Variants in NCK2 observed in about 807,000 individuals in gnomAD.
NCK2 encodes the protein cytoplasmic protein NCK2.
A neutral mutation model predicts 33.9 loss-of-function variants in NCK2; 16 were observed. The observed-to-expected ratio is 0.47, with a 90% confidence interval of 0.32 to 0.72. The LOEUF (loss-of-function observed/expected upper bound fraction) is 0.72, where lower values mean the gene tolerates loss of function less well. Among genes scored for constraint, NCK2 ranks in the 30% least tolerant of loss-of-function variants. NCK2 has a pLI of 0.03. For synonymous variants in NCK2, 273 were observed against 239.9 expected (o/e 1.14, Z -1.27); for missense variants, 418 against 537.3 (o/e 0.78, Z 2.19).
At chr2:105,790,468 C>T (rs970454877) in intron 1 of NCK2, among the ~76,000 whole-genome samples, 3 of 152,162 alleles carry the variant, frequency 2.0e-5, no homozygotes, top group Non-Finnish European at 4.4e-5. Context: ...CTGCAGGCAG[C>T]CTGGGAGCCC....
intron 3 of NCK2, among the ~76,000 whole-genome samples, chr2:105,861,386 A>G (rs1677525336): frequency 6.6e-6 from 1 of 151,996 alleles, no homozygotes; most frequent in Non-Finnish European, 1.5e-5. Context: ...GGTTCTGACC[A>G]CCTCTCTATG....
chr2:105,863,570 C>T (rs1677631362), intron 3 of NCK2, among the ~76,000 whole-genome samples: 1 of 152,098 alleles, frequency 6.6e-6, no homozygotes, highest in Non-Finnish European at 1.5e-5. Context: ...AAGGATAAGG[C>T]TTAGTCCCTG....
intron 1 of NCK2, among the ~76,000 whole-genome samples, chr2:105,751,233 G>A (rs1053730996): frequency 2.0e-5 from 3 of 152,096 alleles, no homozygotes; most frequent in Non-Finnish European, 4.4e-5. Flanking sequence ...CGACTCACTC[G>A]GTTATCCTTG....
chr2:105,881,103 A>G (rs1242851934), intron 3 of NCK2, among the ~76,000 whole-genome samples: 1 of 152,084 alleles, frequency 6.6e-6, no homozygotes, highest in African/African-American at 2.4e-5. Context: ...GTTTTTATGG[A>G]TAAAATAGAT....
At chr2:105,746,009 CGGTGGATGCTAGGGGTCATTGGCT>C (rs1689274423) in intron 1 of NCK2, 1 of 149,886 alleles carries the variant, frequency 6.7e-6, no homozygotes, top group Admixed American at 6.6e-5. Context: ...TGAAGGTCTG[CGGTGGATGCTAGGGGTCATTGGCT>C]GGTGGACCCC....
chr2:105,804,038 C>T (rs1674941473), intron 1 of NCK2, among the ~76,000 whole-genome samples: 1 of 152,172 alleles, frequency 6.6e-6, no homozygotes, highest in South Asian at 2.1e-4. Flanking sequence ...CCCTCTCCCT[C>T]TCAGTTAGGT....
At position 105,881,340 on chromosome 2, in the gene NCK2, C is replaced by A; in HGVS notation, c.239C>A (p.Thr80Lys). The change falls in exon 4 of 5, where the codon ACG (threonine) becomes AAG (lysine). Residue 80 changes from threonine (T) to lysine (K), a missense_variant. Thr to Lys is a moderately conservative substitution (Grantham distance 78). Transcript: ENST00000233154. The part of the protein sequence containing the change: ...NLKDTLGLGK[T>K]RRKTSARDAS... ...TGTGTCTCCACAGGCCTCGGCAAGA[C>A]GCGCAGGAAGACCAGCGCGCGGGAT... The A allele has an allele frequency of 6.3e-7, 1 of 1,596,238 alleles. No homozygotes were observed.
At chr2:105,875,586 C>T (rs1207372118) in intron 3 of NCK2, among the ~76,000 whole-genome samples, 4 of 152,162 alleles carry the variant, frequency 2.6e-5, no homozygotes, top group East Asian at 3.9e-4. Context: ...GAATGGGATT[C>T]GTGCCCTTAT....
At chr2:105,766,730 C>A (rs939063331) in intron 1 of NCK2, among the ~76,000 whole-genome samples, 1 of 152,200 alleles carries the variant, frequency 6.6e-6, no homozygotes, top group Non-Finnish European at 1.5e-5. Context: ...GAACATCGAA[C>A]CAGCCCTGGC....
chr2:105,881,835 G>A lies in NCK2; in HGVS notation c.734G>A (p.Gly245Asp), dbSNP rs1305346471. Reference sequence around the variant, plus strand: ...TGCAAAAATGCCCGGGGCCAGGTGGGCCTCGTCCCCAAAAACTACGTGGTG... The same window carrying A: ...TGCAAAAATGCCCGGGGCCAGGTGGACCTCGTCCCCAAAAACTACGTGGTG... ...WKCKNARGQV[G>D]LVPKNYVVVL... The change falls in exon 4 of 5, where the codon GGC becomes GAC. Residue 245 changes from glycine to aspartate, a missense_variant. By Grantham distance (94) the Gly-to-Asp change is moderately conservative. Coordinates refer to ENST00000233154, the MANE Select transcript of NCK2 (RefSeq NM_003581.5). 6.2e-7 allele frequency: 1 copy of A among 1,600,956 alleles called. No individual in the cohort carries two copies. Among genetic ancestry groups the A allele is most frequent in the Admixed American group, 1.7e-5 (1 of 59,122 alleles).
intron 1 of NCK2, among the ~76,000 whole-genome samples, chr2:105,798,178 G>C (rs1339123429): frequency 6.6e-6 from 1 of 152,120 alleles, no homozygotes; most frequent in African/African-American, 2.4e-5. Context: ...TGTAATGTTT[G>C]TTTTCTTCTG....
intron 4 of NCK2, among the ~76,000 whole-genome samples, chr2:105,889,209 C>T (rs554627026): frequency 1.3e-5 from 2 of 152,296 alleles, no homozygotes; most frequent in Non-Finnish European, 2.9e-5. Context: ...AGGAGGAGAC[C>T]ATACAGCAGT....
At chr2:105,744,863 G>GGCC (rs1553448915), upstream of NCK2, 1 of 117,594 alleles carries the variant, frequency 8.5e-6, no homozygotes, top group South Asian at 2.9e-4. Flanking sequence ...GCCGGGGGAG[G>GGCC]GTCGCCGCCG....
At chr2:105,786,293 A>G (rs759749815) in intron 1 of NCK2, among the ~76,000 whole-genome samples, 10 of 152,272 alleles carry the variant, frequency 6.6e-5, no homozygotes, top group Non-Finnish European at 1.2e-4. Flanking sequence ...TTAGCTGAGC[A>G]TGTGCTATGT....
chr2:105,851,333 G>C (rs552528161), intron 2 of NCK2, among the ~76,000 whole-genome samples: 2 of 150,922 alleles, frequency 1.3e-5, no homozygotes, highest in African/African-American at 2.4e-5. Flanking sequence ...GCGCGATCTC[G>C]GCTCACTGCA....
At chr2:105,792,570 C>CTGAA (rs2104428028) in intron 1 of NCK2, among the ~76,000 whole-genome samples, 1 of 152,116 alleles carries the variant, frequency 6.6e-6, no homozygotes, top group South Asian at 2.1e-4. Flanking sequence ...ACACATGCAG[C>CTGAA]TGAATGATCT....
intron 4 of NCK2, among the ~76,000 whole-genome samples, chr2:105,883,127 G>C (rs935566657): frequency 6.6e-6 from 1 of 152,164 alleles, no homozygotes; most frequent in African/African-American, 2.4e-5. Flanking sequence ...ATTTTGCGGA[G>C]CCTTACATGT....
chr2:105,870,827 AAAT>A (rs1677968963), intron 3 of NCK2, among the ~76,000 whole-genome samples: 1 of 152,142 alleles, frequency 6.6e-6, no homozygotes. Context: ...GTGGTTCAGG[AAAT>A]AATGTACCAC....
intron 2 of NCK2, among the ~76,000 whole-genome samples, chr2:105,845,949 A>G (rs1676839874): frequency 1.3e-5 from 2 of 152,100 alleles, no homozygotes; most frequent in Non-Finnish European, 2.9e-5. Context: ...CCCCTTCACC[A>G]TGCTGTCTTC....
Sources: gnomAD v4.1 joint callset for allele counts (sites outside exome capture counted in the v4.1 genomes callset) on GRCh38, gnomAD v4.1.1 for gene constraint, MANE v1.5 for transcripts, NCBI Gene and HGNC (gene_info 2026-07-23, HGNC 2026-07-21) for gene names.